ERBB4: variants seen among roughly 807,000 people sequenced by gnomAD.
The protein encoded by ERBB4 is receptor tyrosine-protein kinase erbB-4.
Under a neutral mutation model 158.0 loss-of-function variants are expected in ERBB4, and 42 were observed. The observed-to-expected ratio is 0.27, with a 90% CI of 0.21 to 0.34. ERBB4 has a LOEUF of 0.34. Among genes scored for constraint, ERBB4 ranks in the 10% least tolerant of loss-of-function variants. The pLI is 1.00. For synonymous variants in ERBB4, 583 were observed against 558.7 expected, an observed-to-expected ratio of 1.04 and a Z score of -0.61; for missense variants, 1,333 against 1,624.1, an observed-to-expected ratio of 0.82 and a Z score of 3.08.
chr2:212,220,457 T>C (rs187142378), intron 1 of ERBB4, among the ~76,000 whole-genome samples: 23 of 151,388 alleles, frequency 1.5e-4, no homozygotes, highest in African/African-American at 4.8e-4. Context: ...GATTTGGTTT[T>C]ATTTCCCAGC....
intron 1 of ERBB4, among the ~76,000 whole-genome samples, chr2:212,533,350 A>T (rs1255841346): frequency 6.6e-6 from 1 of 152,246 alleles, no homozygotes; most frequent in Non-Finnish European, 1.5e-5. Flanking sequence ...ATAAAACTGT[A>T]CAGTGCAGAA....
chr2:212,218,483 T>C (rs1347405113), intron 1 of ERBB4, among the ~76,000 whole-genome samples: 2 of 151,224 alleles, frequency 1.3e-5, no homozygotes, highest in African/African-American at 4.8e-5. Flanking sequence ...GGTAAGACAA[T>C]AAGAAAATAG....
intron 5 of ERBB4, among the ~76,000 whole-genome samples, chr2:211,743,568 T>C (rs1022701798): frequency 1.3e-5 from 2 of 152,216 alleles, no homozygotes; most frequent in Non-Finnish European, 2.9e-5. Context: ...TTATTATTTA[T>C]TTCTTAAACC....
chr2:211,466,861 A>G (rs1036886642), intron 20 of ERBB4, among the ~76,000 whole-genome samples: 1 of 152,068 alleles, frequency 6.6e-6, no homozygotes, highest in Non-Finnish European at 1.5e-5. Context: ...AAATGGTAAT[A>G]TATCAGTTTT....
chr2:212,367,265 C>A (rs1307752106), intron 1 of ERBB4, among the ~76,000 whole-genome samples: 1 of 152,010 alleles, frequency 6.6e-6, no homozygotes, highest in Non-Finnish European at 1.5e-5. Context: ...ATCCACCCAT[C>A]CGTGGTGTTT....
At chr2:211,531,301 A>C (rs986166320) in intron 20 of ERBB4, among the ~76,000 whole-genome samples, 9 of 152,156 alleles carry the variant, frequency 5.9e-5, no homozygotes, top group African/African-American at 2.2e-4. Context: ...TAACCAGAGC[A>C]AAAAAGGACA....
At chr2:211,527,523 G>A (rs571533327) in intron 20 of ERBB4, among the ~76,000 whole-genome samples, 5 of 152,158 alleles carry the variant, frequency 3.3e-5, no homozygotes, top group African/African-American at 1.2e-4. Context: ...AAACTAACTA[G>A]TGATGGTAAG....
intron 20 of ERBB4, among the ~76,000 whole-genome samples, chr2:211,439,182 A>C (rs2063921320): frequency 6.6e-6 from 1 of 152,164 alleles, no homozygotes. Flanking sequence ...TCTATGCTGC[A>C]AAGAAAAATA....
At chr2:211,875,846 C>A (rs1322954888) in intron 3 of ERBB4, among the ~76,000 whole-genome samples, 1 of 152,152 alleles carries the variant, frequency 6.6e-6, no homozygotes, top group Admixed American at 6.5e-5. Context: ...TACACACATA[C>A]ATTTTGTTAC....
At chr2:211,472,303 T>G (rs1574556269) in intron 20 of ERBB4, among the ~76,000 whole-genome samples, 1 of 148,790 alleles carries the variant, frequency 6.7e-6, no homozygotes, top group South Asian at 2.1e-4. Context: ...ATATTTATTA[T>G]AAATCTTATT....
At chr2:211,477,870 C>A (rs545008862) in intron 20 of ERBB4, among the ~76,000 whole-genome samples, 5 of 152,218 alleles carry the variant, frequency 3.3e-5, no homozygotes, top group African/African-American at 1.2e-4. Flanking sequence ...GAATATGATA[C>A]AATGACAACT....
intron 1 of ERBB4, among the ~76,000 whole-genome samples, chr2:212,172,770 T>G (rs1341731996): frequency 6.6e-6 from 1 of 151,832 alleles, no homozygotes; most frequent in Non-Finnish European, 1.5e-5. Flanking sequence ...AAACTCACAC[T>G]GGGGCTTGTG....
chr2:211,885,760 A>G (rs532403592), intron 3 of ERBB4, among the ~76,000 whole-genome samples: 2 of 152,216 alleles, frequency 1.3e-5, no homozygotes, highest in African/African-American at 4.8e-5. Flanking sequence ...TGCCTGGCCG[A>G]TTTTTTTAAT....
At position 212,098,007 on chromosome 2, in the gene ERBB4, T is replaced by C. The variant is rs1224519705; in HGVS notation, c.234+26745A>G. Among the ~76,000 whole-genome samples the C allele has an allele frequency of 2.6e-5, 4 of 152,078 alleles. 1 individual carries two copies. The South Asian group carries it at 6.2e-4, about 24-fold the overall frequency. On this transcript the variant is annotated intron_variant, in intron 2 of 27. Coordinates refer to ENST00000342788, the MANE Select transcript of ERBB4 (RefSeq NM_005235.3). ...GAATTCTCTGATTTATGTGGTAGAA[T>C]TGTGAGCAGAATAAAATACTATATG...
chr2:211,657,938 C>T (rs1308687731), intron 15 of ERBB4, 110 bp from the exon 16 acceptor site: 1 of 1,609,060 alleles, frequency 6.2e-7, no homozygotes, highest in Admixed American at 1.7e-5. Context: ...GGGAAGCAAG[C>T]ACACCAAGTA....
Position 211,430,926 on chromosome 2 carries a change from C to T in ERBB4, c.2643+19G>A. The T allele has an allele frequency of 6.3e-7, 1 of 1,599,902 alleles. No homozygotes were observed. Among genetic ancestry groups the T allele is most frequent in the South Asian group, 1.1e-5 (1 of 90,800 alleles). Reference sequence around the variant, plus strand: ...TATACTATATTTTCAAGCAAGATTGCTCTCAAAAAGATACCCACCTTTCCT... The same window carrying T: ...TATACTATATTTTCAAGCAAGATTGTTCTCAAAAAGATACCCACCTTTCCT... On this transcript the variant is annotated intron_variant, in intron 21 of 27. Coordinates refer to ENST00000342788, the MANE Select transcript of ERBB4 (RefSeq NM_005235.3).
Position 211,630,553 on chromosome 2 carries a change from A to T in ERBB4, c.1988T>A (p.Ile663Asn), listed in dbSNP as rs1483383637. Residue 663 changes from isoleucine to asparagine, a missense_variant, in exon 17 of 28, where the codon ATT (isoleucine) becomes AAT (asparagine). This residue lies in a region of ERBB4 where 245 missense variants were observed against 247.5 expected (regional missense o/e 0.99). Transcript: ENST00000342788. ...AAATGTCAGACCCACAATGACCAGA[A>T]TGAAGAGCCCACCAATTACTCCAGC... is the stretch of plus-strand genomic sequence containing the variant. ...IAAGVIGGLFILVIVGLTFAV... is the reference protein window; with the variant it reads ...IAAGVIGGLFNLVIVGLTFAV... The T allele has an allele frequency of 6.2e-7, 1 of 1,613,908 alleles. No homozygotes were observed. Among genetic ancestry groups the T allele is most frequent in the African/African-American group, 1.3e-5 (1 of 75,022 alleles).
At chr2:211,816,396 C>G (rs1355124542) in intron 3 of ERBB4, among the ~76,000 whole-genome samples, 3 of 151,578 alleles carry the variant, frequency 2.0e-5, no homozygotes, top group Admixed American at 6.6e-5. Context: ...CAAAAATTAG[C>G]TGGATGTGGT....
At chr2:211,629,926 C>T (rs531105649) in intron 17 of ERBB4, among the ~76,000 whole-genome samples, 1 of 152,124 alleles carries the variant, frequency 6.6e-6, no homozygotes, top group Non-Finnish European at 1.5e-5. Context: ...AAATGTTAGA[C>T]CTAAAACCAT....
Sources: gnomAD v4.1 joint callset for allele counts (sites outside exome capture counted in the v4.1 genomes callset) on GRCh38, gnomAD v4.1.1 for gene constraint, gnomAD v4.1.1 regional missense constraint, MANE v1.5 for transcripts, NCBI Gene and HGNC (gene_info 2026-07-23, HGNC 2026-07-21) for gene names.